ITIH2: variants seen among roughly 807,000 people sequenced by gnomAD.
The protein encoded by ITIH2 is inter-alpha-trypsin inhibitor heavy chain 2.
Under a neutral mutation model 104.4 loss-of-function variants are expected in ITIH2, and 103 were observed. The ratio of observed to expected loss-of-function variants is 0.99; its 90% confidence interval spans 0.84 to 1.16. The LOEUF (loss-of-function observed/expected upper bound fraction) is 1.16, where lower values mean the gene tolerates loss of function less well. Ranked by LOEUF, ITIH2 falls within the 50% of genes most tolerant of loss-of-function variation. The pLI is 0.00. For synonymous variants in ITIH2, 436 were observed against 435.4 expected, an observed-to-expected ratio of 1.00 and a Z score of -0.02; for missense variants, 1,108 against 1,162.4, an observed-to-expected ratio of 0.95 and a Z score of 0.68.
In ITIH2 at chr10:7,727,710, C is replaced by T. The variant is rs1419899262; in HGVS notation, c.1161C>T (p.Asn387=). 6.2e-7 allele frequency: 1 copy of T among 1,614,096 alleles called. No homozygotes were observed. Among genetic ancestry groups the T allele is most frequent in the South Asian group, 1.1e-5 (1 of 91,070 alleles). ...ATTATGCTACTTCAACAGGCACAAACATCAACGAAGCACTCCTACGGGCAA... is the reference window on the plus strand; with the variant it reads ...ATTATGCTACTTCAACAGGCACAAATATCAACGAAGCACTCCTACGGGCAA... ...IEKIQPSGGT[N]INEALLRAIF... The change falls in exon 11 of 21, where the codon AAC becomes AAT. Residue 387 remains asparagine (N), a synonymous_variant. Transcript: ENST00000358415.
In ITIH2 at chr10:7,738,819, T is replaced by C. The variant is rs1292819385; in HGVS notation, c.2095+61T>C. ...CAGCCGACCATAATCCTGGGAAGCATTGTGTGCATGAGGCCAGGTGCAGCG... is the reference window on the plus strand; with the variant it reads ...CAGCCGACCATAATCCTGGGAAGCACTGTGTGCATGAGGCCAGGTGCAGCG... On this transcript the variant is annotated intron_variant, in intron 16 of 20. Coordinates refer to ENST00000358415, the MANE Select transcript of ITIH2 (RefSeq NM_002216.3). 9.9e-6 allele frequency: 15 copies of C among 1,507,616 alleles called. No homozygotes were observed. In the Admixed American group the frequency reaches 2.8e-4, roughly 28 times the overall value. The allele number at this position is 1,507,616 out of a possible 1,614,324, so 93.4% of individuals were successfully genotyped here.
chr10:7,711,690 T>C (rs1183801487), intron 4 of ITIH2, among the ~76,000 whole-genome samples: 3 of 152,142 alleles, frequency 2.0e-5, no homozygotes, highest in Non-Finnish European at 4.4e-5. Flanking sequence ...CAAGTGTGCC[T>C]CAACACACGT....
chr10:7,743,501 CGGT>C (rs1426272474), intron 17 of ITIH2, among the ~76,000 whole-genome samples: 1 of 152,190 alleles, frequency 6.6e-6, no homozygotes, highest in Admixed American at 6.5e-5. Flanking sequence ...GAGCCAGGAA[CGGT>C]GGCTTACACA....
At chr10:7,716,415 T>C (rs909233752) in intron 5 of ITIH2, among the ~76,000 whole-genome samples, 1 of 152,156 alleles carries the variant, frequency 6.6e-6, no homozygotes, top group African/African-American at 2.4e-5. Flanking sequence ...TCAGTATGTA[T>C]GTGACTAAAA....
chr10:7,743,986 C>A, intron 17 of ITIH2, 96 bp from the exon 18 acceptor site: 4 of 786,060 alleles, frequency 5.1e-6, no homozygotes, highest in Admixed American at 3.4e-5. Context: ...AATAATTTTC[C>A]AATATTGCCA....
At chr10:7,730,706 CTTGT>C (rs1265805327) in intron 12 of ITIH2, among the ~76,000 whole-genome samples, 1 of 152,058 alleles carries the variant, frequency 6.6e-6, no homozygotes, top group Non-Finnish European at 1.5e-5. Context: ...ACACAAACTA[CTTGT>C]TTGTTTTGAT....
In ITIH2 at chr10:7,721,781, A is replaced by G. The variant is rs200001411; in HGVS notation, c.867+4A>G. ...AGAGAAGGCTGGTGAACTGGAGGTGAGTGCACACCGGCTCTGGTTCTACTG... is the reference window on the plus strand; with the variant it reads ...AGAGAAGGCTGGTGAACTGGAGGTGGGTGCACACCGGCTCTGGTTCTACTG... On this transcript the variant is annotated splice_donor_region_variant and intron_variant, in intron 8 of 20. Transcript: ENST00000358415. 255 of 1,613,672 alleles carry G rather than the reference A, an allele frequency of 1.6e-4. 4 individuals carry two copies. Among genetic ancestry groups the G allele is most frequent in the East Asian group, 1.1e-3 (49 of 44,838 alleles).
chr10:7,710,141 C>T (rs1344760662), intron 4 of ITIH2, among the ~76,000 whole-genome samples: 7 of 152,312 alleles, frequency 4.6e-5, no homozygotes, highest in Admixed American at 2.0e-4. Context: ...CGTGAGCCAC[C>T]GTGCCTGGCC....
At chr10:7,721,533 C>T (rs1183552506) in intron 7 of ITIH2, 116 bp from the exon 8 acceptor site, 7 of 899,360 alleles carry the variant, frequency 7.8e-6, no homozygotes, top group African/African-American at 3.3e-5. Context: ...ACCGATATCG[C>T]GGGGATTCAG....
intron 16 of ITIH2, among the ~76,000 whole-genome samples, chr10:7,741,642 C>G (rs937520350): frequency 6.6e-6 from 1 of 152,182 alleles, no homozygotes; most frequent in Admixed American, 6.5e-5. Flanking sequence ...CCTCTGCAAA[C>G]TTTTAGTAAC....
chr10:7,705,012 T>A, intron 1 of ITIH2, 96 bp from the exon 2 acceptor site: 1 of 738,136 alleles, frequency 1.4e-6, no homozygotes, highest in Non-Finnish European at 2.2e-6. Flanking sequence ...ATGGCACATG[T>A]ATACCTATGT....
intron 20 of ITIH2, among the ~76,000 whole-genome samples, chr10:7,747,033 T>A (rs61836672): frequency 6.6e-6 from 1 of 152,192 alleles, no homozygotes; most frequent in East Asian, 1.9e-4. Context: ...AAAACACCTA[T>A]TACCATAGTG....
chr10:7,742,946 G>A (rs143164689), intron 16 of ITIH2, among the ~76,000 whole-genome samples, 200 bp from the exon 17 acceptor site: 15 of 152,162 alleles, frequency 9.9e-5, no homozygotes, highest in Non-Finnish European at 1.9e-4. Context: ...ATAACATAGG[G>A]TTCTGAAGAA....
At chr10:7,746,176 AG>A (rs1253689921) in intron 19 of ITIH2, among the ~76,000 whole-genome samples, 5 of 147,468 alleles carry the variant, frequency 3.4e-5, no homozygotes, top group Admixed American at 1.4e-4. Context: ...TGAGTCCAGG[AG>A]TTCAAGATCA....
At chr10:7,710,099 G>C (rs886727318) in intron 4 of ITIH2, among the ~76,000 whole-genome samples, 1 of 152,124 alleles carries the variant, frequency 6.6e-6, no homozygotes, top group Non-Finnish European at 1.5e-5. Context: ...TGATCTGCCC[G>C]CCTCGGCCTC....
At position 7,738,691 on chromosome 10, in the gene ITIH2, C is replaced by G. The variant is rs146607033; in HGVS notation, c.2028C>G (p.Pro676=). The change falls in exon 16 of 21, where the codon CCC becomes CCG. Residue 676 remains proline, a synonymous_variant. Coordinates refer to ENST00000358415, the MANE Select transcript of ITIH2 (RefSeq NM_002216.3). ...CTTGGGCCAATCCTTCACCAACGCC[C>G]GTGATCTCCATGCTGGCACAAGGAT... ...TPSWANPSPT[P]VISMLAQGSQ... 8.7e-5 allele frequency: 141 copies of G among 1,613,734 alleles called. No individual in the cohort carries two copies. The Middle Eastern group carries it at 1.7e-3, about 19-fold the overall frequency.
At chr10:7,738,447 C>G (rs1835092675) in intron 15 of ITIH2, among the ~76,000 whole-genome samples, 174 bp from the exon 16 acceptor site, 1 of 150,420 alleles carries the variant, frequency 6.6e-6, no homozygotes, top group South Asian at 2.1e-4. Flanking sequence ...TATCACAGGC[C>G]TCCTCCCTCA....
rs1007364811 is a variant in ITIH2 at position 7,703,331 on chromosome 10, G to A, written c.-104G>A. 2.4e-4 allele frequency: 179 copies of A among 733,870 alleles called. No individual in the cohort carries two copies. Among genetic ancestry groups the A allele is most frequent in the Middle Eastern group, 7.2e-4 (3 of 4,182 alleles). 45.5% of individuals were successfully genotyped at this position (733,870 alleles called of 1,614,324 possible). On this transcript the variant is annotated 5_prime_UTR_variant, in exon 1 of 21. Transcript: ENST00000358415. ...CTTCTTTTTTCTTCTTTCTTAAAGC[G>A]AACTGTACTCCTCTGCTGTTCCTTT...
At chr10:7,725,175 G>A (rs1834940890) in intron 9 of ITIH2, among the ~76,000 whole-genome samples, 1 of 152,108 alleles carries the variant, frequency 6.6e-6, no homozygotes, top group South Asian at 2.1e-4. Flanking sequence ...TTTGATAAAA[G>A]TTTTTTTAAA....
Sources: gnomAD v4.1 joint callset for allele counts (sites outside exome capture counted in the v4.1 genomes callset) on GRCh38, gnomAD v4.1.1 for gene constraint, MANE v1.5 for transcripts, NCBI Gene and HGNC (gene_info 2026-07-23, HGNC 2026-07-21) for gene names.